Variants in OR51B5 observed in about 807,000 individuals in gnomAD.
The protein encoded by OR51B5 is olfactory receptor family 51 subfamily B member 5, also known as olfactory receptor 51B5.
For missense variants in OR51B5, 456 were observed against 374.6 expected (o/e 1.22, Z -1.79); for synonymous variants, 186 against 144.8 (o/e 1.28, Z -2.04).
chr11:5,408,336 T>C (rs1850091676), intron 1 of OR51B5, among the ~76,000 whole-genome samples: 1 of 148,594 alleles, frequency 6.7e-6, no homozygotes, highest in South Asian at 2.2e-4. Context: ...AATTCTTTCC[T>C]TCCTTCCCTT....
chr11:5,385,924 T>C (rs960268773), intron 1 of OR51B5, among the ~76,000 whole-genome samples: 9 of 146,528 alleles, frequency 6.1e-5, no homozygotes, highest in Non-Finnish European at 1.0e-4. Context: ...TGTGTACTTA[T>C]ATGGATGTAT....
chr11:5,455,502 T>C (rs1341020035), intron 1 of OR51B5: 1 of 134,588 alleles, frequency 7.4e-6, no homozygotes, highest in African/African-American at 2.8e-5. Context: ...GGTGCTGTCA[T>C]ACTAAGTTTA....
At chr11:5,388,440 G>A (rs781260431) in intron 1 of OR51B5, among the ~76,000 whole-genome samples, 4 of 151,050 alleles carry the variant, frequency 2.6e-5, no homozygotes, top group African/African-American at 4.9e-5. Flanking sequence ...AAGCTAAGGT[G>A]GGTTATATTA....
chr11:5,488,626 A>T, intron 1 of OR51B5: 2 of 1,071,566 alleles, frequency 1.9e-6, no homozygotes, highest in Non-Finnish European at 1.4e-6. Context: ...TCTTTGTTTT[A>T]CATAAATCAA....
chr11:5,472,668 G>C (rs1564824954), intron 1 of OR51B5, among the ~76,000 whole-genome samples: 1 of 152,210 alleles, frequency 6.6e-6, no homozygotes, highest in Admixed American at 6.5e-5. Context: ...TGAGAATGAA[G>C]ACTGGCTTGT....
chr11:5,415,874 T>C (rs1850235563), intron 1 of OR51B5, among the ~76,000 whole-genome samples: 1 of 151,306 alleles, frequency 6.6e-6, no homozygotes, highest in Non-Finnish European at 1.5e-5. Flanking sequence ...CCATTCCTTC[T>C]GAAACTATTC....
chr11:5,411,223 C>A, intron 1 of OR51B5, among the ~76,000 whole-genome samples: 1 of 152,170 alleles, frequency 6.6e-6, no homozygotes, highest in East Asian at 1.9e-4. Flanking sequence ...TCTGTTGTAG[C>A]ATTTTTTACT....
intron 1 of OR51B5, chr11:5,390,894 A>G (rs76545626): frequency 0.013 from 1,990 of 153,212 alleles, 40 homozygotes; most frequent in African/African-American, 0.045. Flanking sequence ...AAACCTCAGA[A>G]CTCCTGCATT....
intron 1 of OR51B5, chr11:5,454,021 A>G (rs1850907544): frequency 1.2e-6 from 2 of 1,613,776 alleles, no homozygotes; most frequent in South Asian, 2.2e-5. Context: ...TCTCACTCCT[A>G]CTGCCTGCAC....
chr11:5,378,043 C>G (rs1849554540), intron 1 of OR51B5, among the ~76,000 whole-genome samples: 1 of 152,244 alleles, frequency 6.6e-6, no homozygotes, highest in Non-Finnish European at 1.5e-5. Flanking sequence ...AGGCATCAGG[C>G]TACCTCACTT....
chr11:5,419,750 C>A (rs1276710179), intron 1 of OR51B5, among the ~76,000 whole-genome samples: 1 of 151,948 alleles, frequency 6.6e-6, no homozygotes, highest in Non-Finnish European at 1.5e-5. Context: ...AATCTGAAAC[C>A]TTGGCAAGGG....
rs373124488 is a variant in OR51B5, at chr11:5,433,195, G to A, written n.84+72374C>T. On this transcript the variant is annotated intron_variant and non_coding_transcript_variant, in intron 1 of 4. Coordinates refer to the OR51B5 transcript ENST00000415970. ...ATATTTAACCAAGAATATATGCAAA[G>A]ATGAAAACAAAGACACAGAGATACA... Among the ~76,000 whole-genome samples, 97 of 152,210 alleles carry A rather than the reference G, an allele frequency of 6.4e-4. 3 individuals are homozygous for A. In the South Asian group the frequency reaches 0.019, roughly 31 times the overall value.
chr11:5,446,739 T>C (rs1283466672), intron 1 of OR51B5, among the ~76,000 whole-genome samples: 1 of 152,204 alleles, frequency 6.6e-6, no homozygotes, highest in East Asian at 1.9e-4. Flanking sequence ...GGGACATCTA[T>C]TTCTTCCCCC....
intron 1 of OR51B5, among the ~76,000 whole-genome samples, chr11:5,476,031 A>G (rs1384977372): frequency 6.6e-6 from 1 of 152,212 alleles, no homozygotes; most frequent in African/African-American, 2.4e-5. Flanking sequence ...TGCCTCACAT[A>G]AAATCCTCAT....
At position 5,385,684 on chromosome 11, in the gene OR51B5, C is replaced by T. The variant is rs138191777; in HGVS notation, n.85-38774G>A. Among the ~76,000 whole-genome samples, 708 of 144,486 alleles carry T rather than the reference C, an allele frequency of 4.9e-3. 5 individuals carry two copies. The highest frequency in any genetic ancestry group is 0.018 in the African/African-American group (668 of 38,104). 94.8% of individuals were successfully genotyped at this position (144,486 alleles called of 152,430 possible). ...TAATAAAGAATACGTATAAATACTA[C>T]CTATAATATATATGTTGTACAAAGT... is the stretch of plus-strand genomic sequence containing the variant. On this transcript the variant is annotated intron_variant and non_coding_transcript_variant, in intron 1 of 4. Coordinates refer to the OR51B5 transcript ENST00000415970.
At chr11:5,502,469 CTG>C (rs1368465213) in intron 1 of OR51B5, among the ~76,000 whole-genome samples, 7 of 152,200 alleles carry the variant, frequency 4.6e-5, no homozygotes, top group African/African-American at 1.7e-4. Flanking sequence ...TTTCAAATCT[CTG>C]TATAAATACT....
intron 1 of OR51B5, chr11:5,489,246 A>G (rs747735830): frequency 7.8e-5 from 126 of 1,613,844 alleles, no homozygotes; most frequent in Non-Finnish European, 1.1e-4. Context: ...TGACACACAC[A>G]TACTGTGAGC....
intron 1 of OR51B5, among the ~76,000 whole-genome samples, chr11:5,381,170 T>TCC (rs1222933615): frequency 8.1e-6 from 1 of 123,508 alleles, no homozygotes; most frequent in Non-Finnish European, 1.8e-5. Context: ...TCTCTCTCTC[T>TCC]CTCTCACACA....
intron 1 of OR51B5, among the ~76,000 whole-genome samples, chr11:5,379,870 C>A (rs989823716): frequency 6.6e-6 from 1 of 152,102 alleles, no homozygotes; most frequent in Non-Finnish European, 1.5e-5. Context: ...GATCTCCTTG[C>A]ATGCACTTGC....
Sources: allele counts gnomAD v4.1 joint callset (sites outside exome capture counted in the v4.1 genomes callset), GRCh38; gene constraint gnomAD v4.1.1; transcripts MANE v1.5; gene names NCBI Gene and HGNC (gene_info 2026-07-23, HGNC 2026-07-21).